The following NBAS variants were observed in gnomAD, a reference collection of about 807,000 sequenced individuals.
NBAS encodes the protein NAG/BC035112 fusion.
In NBAS, 219 loss-of-function variants were observed where a neutral mutation model predicts 302.5. The observed-to-expected ratio is 0.72, with a 90% CI of 0.65 to 0.81. NBAS has a LOEUF of 0.81. Ranked by LOEUF, NBAS falls within the 30% of genes least tolerant of loss-of-function variation. The pLI, the probability that NBAS is intolerant of heterozygous loss-of-function variation, is 0.00. For missense variants in NBAS, 2,932 were observed against 2,841.6 expected, an observed-to-expected ratio of 1.03 and a Z score of -0.72; for synonymous variants, 1,118 against 1,021.6, an observed-to-expected ratio of 1.09 and a Z score of -1.80.
chr2:14,977,163 T>C, the NBAS span, among the ~76,000 whole-genome samples: 1 of 151,836 alleles, frequency 6.6e-6, no homozygotes, highest in East Asian at 1.9e-4. Context: ...CAGTATAAAA[T>C]TAAAAGTAAA....
At chr2:15,386,661 T>G (rs1363699681) in intron 28 of NBAS, among the ~76,000 whole-genome samples, 1 of 152,182 alleles carries the variant, frequency 6.6e-6, no homozygotes, top group Admixed American at 6.5e-5. Flanking sequence ...CTCCACCTAC[T>G]GTCCGGCAAG....
chr2:15,160,385 C>T, the NBAS span, among the ~76,000 whole-genome samples: 2 of 152,284 alleles, frequency 1.3e-5, no homozygotes, highest in South Asian at 4.1e-4. Flanking sequence ...AGCAAGATCC[C>T]TACGCATGGA....
chr2:14,794,409 T>C, the NBAS span, among the ~76,000 whole-genome samples: 1 of 152,212 alleles, frequency 6.6e-6, no homozygotes, highest in Non-Finnish European at 1.5e-5. Flanking sequence ...TAATGACCAG[T>C]GCAATAGTAT....
the NBAS span, among the ~76,000 whole-genome samples, chr2:14,909,366 T>TCAAAAAAAAAAAAAAAA: frequency 1.3e-5 from 1 of 78,582 alleles, no homozygotes; most frequent in Non-Finnish European, 2.4e-5. Flanking sequence ...GGAGAGTTTC[T>TCAAAAAAAAAAAAAAAA]AAAAAAAAAA....
At chr2:15,139,431 A>G in the NBAS span, among the ~76,000 whole-genome samples, 1 of 152,144 alleles carries the variant, frequency 6.6e-6, no homozygotes, top group Non-Finnish European at 1.5e-5. Context: ...ATTTTAAGAT[A>G]GTAAATGTGA....
At chr2:15,272,027 G>A (rs1669347749) in intron 44 of NBAS, among the ~76,000 whole-genome samples, 1 of 152,148 alleles carries the variant, frequency 6.6e-6, no homozygotes, top group African/African-American at 2.4e-5. Context: ...CTCTCTGACT[G>A]CAGGACATAA....
At chr2:14,845,826 G>C in the NBAS span, among the ~76,000 whole-genome samples, 1 of 151,920 alleles carries the variant, frequency 6.6e-6, no homozygotes, top group Admixed American at 6.6e-5. Flanking sequence ...AAGAATTAGT[G>C]AGCTTAAAGG....
the NBAS span, among the ~76,000 whole-genome samples, chr2:14,888,323 G>T: frequency 6.6e-6 from 1 of 152,104 alleles, no homozygotes; most frequent in East Asian, 1.9e-4. Flanking sequence ...TAGAGACAAG[G>T]TTTCATCATG....
chr2:15,134,056 T>TTCTCTCTCTCTCTCTCTCTCTC, the NBAS span, among the ~76,000 whole-genome samples: 23 of 145,666 alleles, frequency 1.6e-4, no homozygotes, highest in African/African-American at 2.3e-4. Context: ...GAACATTTCT[T>TTCTCTCTCTCTCTCTCTCTCTC]TCTCTCTCTC....
At chr2:15,357,268 G>A (rs1214526939) in intron 32 of NBAS, among the ~76,000 whole-genome samples, 3 of 152,132 alleles carry the variant, frequency 2.0e-5, no homozygotes. Flanking sequence ...ACTACAACTA[G>A]AGACTACCCA....
chr2:15,149,877 G>T, the NBAS span, among the ~76,000 whole-genome samples: 1 of 151,862 alleles, frequency 6.6e-6, no homozygotes, highest in Non-Finnish European at 1.5e-5. Flanking sequence ...TTTTGCACAT[G>T]GGCTCTTGGA....
chr2:14,782,043 C>G, the NBAS span, among the ~76,000 whole-genome samples: 5 of 152,122 alleles, frequency 3.3e-5, no homozygotes, highest in Non-Finnish European at 7.3e-5. Context: ...CTGAAGCCTG[C>G]CTTCCACTAA....
intron 9 of NBAS, 64 bp from the exon 10 acceptor site, chr2:15,511,414 G>A: frequency 6.8e-7 from 1 of 1,470,120 alleles, no homozygotes; most frequent in Non-Finnish European, 9.5e-7. Context: ...AAAACAAAGA[G>A]AGCAGAAACA....
chr2:14,945,701 G>C, the NBAS span, among the ~76,000 whole-genome samples: 1 of 152,054 alleles, frequency 6.6e-6, no homozygotes, highest in Non-Finnish European at 1.5e-5. Context: ...AAAAGAATCA[G>C]TTAGCTTGAA....
At chr2:15,421,206 T>C (rs537272390) in intron 23 of NBAS, among the ~76,000 whole-genome samples, 15 of 151,918 alleles carry the variant, frequency 9.9e-5, no homozygotes, top group Non-Finnish European at 2.2e-4. Context: ...GCTTGATGCA[T>C]AGAGCACAGT....
chr2:15,409,055 A>G (rs944322190), intron 25 of NBAS, among the ~76,000 whole-genome samples: 11 of 152,312 alleles, frequency 7.2e-5, no homozygotes, highest in Non-Finnish European at 1.3e-4. Flanking sequence ...GCTATCATTA[A>G]CTATTAGGTT....
the NBAS span, among the ~76,000 whole-genome samples, chr2:14,824,644 G>A: frequency 6.6e-6 from 1 of 152,130 alleles, no homozygotes; most frequent in Non-Finnish European, 1.5e-5. Context: ...GAATCCTCCA[G>A]GTGAAGAGCA....
chr2:15,141,749 G>A, the NBAS span, among the ~76,000 whole-genome samples: 2 of 152,270 alleles, frequency 1.3e-5, no homozygotes, highest in East Asian at 3.9e-4. Context: ...GCAAAGTGGA[G>A]AGACTAGAAC....
intron 25 of NBAS, among the ~76,000 whole-genome samples, chr2:15,406,116 C>CAAGAAGAAAAAAAAAAAAAAA (rs1676400663): frequency 7.4e-6 from 1 of 134,528 alleles, no homozygotes; most frequent in Non-Finnish European, 1.6e-5. Context: ...AAAAAAAAAA[C>CAAGAAGAAAAAAAAAAAAAAA]AAAACAAAAA....
Sources: allele counts gnomAD v4.1 joint callset (sites outside exome capture counted in the v4.1 genomes callset), GRCh38; gene constraint gnomAD v4.1.1; transcripts MANE v1.5; gene names NCBI Gene and HGNC (gene_info 2026-07-23, HGNC 2026-07-21).